SLC39A11: variants seen among roughly 807,000 people sequenced by gnomAD.
The protein encoded by SLC39A11 is solute carrier family 39 member 11.
A neutral mutation model predicts 36.1 loss-of-function variants in SLC39A11; 33 were observed. The observed-to-expected ratio is 0.91, with a 90% CI of 0.69 to 1.22. The LOEUF is 1.22. Ranked by LOEUF, SLC39A11 falls within the 50% of genes most tolerant of loss-of-function variation. The pLI, the probability that SLC39A11 is intolerant of heterozygous loss-of-function variation, is 0.00. For missense variants in SLC39A11, 432 were observed against 430.3 expected (o/e 1.00, Z -0.03); for synonymous variants, 166 against 170.3 (o/e 0.97, Z 0.20).
intron 6 of SLC39A11, among the ~76,000 whole-genome samples, chr17:72,807,078 A>G (rs180925666): frequency 6.4e-4 from 98 of 152,136 alleles, no homozygotes; most frequent in African/African-American, 2.2e-3. Context: ...TATTCTAGCT[A>G]TCTTGTTTTT....
chr17:72,900,126 G>A lies in SLC39A11; in HGVS notation c.430+47626C>T, dbSNP rs1419744126. Reference sequence around the variant, plus strand: ...AAGAAAGAAAAAGAAAGAAAGAAAAGAAAGAAAGAAAGAAAAAGAAAGAAA... The same window carrying A: ...AAGAAAGAAAAAGAAAGAAAGAAAAAAAAGAAAGAAAGAAAAAGAAAGAAA... On this transcript the variant is annotated intron_variant, in intron 5 of 9. Coordinates refer to ENST00000255559, the MANE Select transcript of SLC39A11 (RefSeq NM_139177.4). 3.7e-3 allele frequency among the ~76,000 whole-genome samples: 302 copies of A among 81,692 alleles called. 48 individuals are homozygous for A. The highest frequency in any genetic ancestry group is 0.024 in the African/African-American group (284 of 11,936). 53.6% of individuals were successfully genotyped at this position (81,692 alleles called of 152,430 possible).
chr17:72,971,629 G>A (rs1016592593), intron 4 of SLC39A11, among the ~76,000 whole-genome samples: 6 of 152,198 alleles, frequency 3.9e-5, no homozygotes, highest in East Asian at 3.9e-4. Context: ...GAGCACCAAC[G>A]TGAAGGCGGG....
At chr17:72,753,716 C>A (rs1363336785) in intron 6 of SLC39A11, among the ~76,000 whole-genome samples, 1 of 151,636 alleles carries the variant, frequency 6.6e-6, no homozygotes, top group Non-Finnish European at 1.5e-5. Context: ...TTGACATTGA[C>A]GATAGTTGGA....
chr17:72,820,372 A>T (rs1322891664), intron 6 of SLC39A11, among the ~76,000 whole-genome samples: 1 of 151,206 alleles, frequency 6.6e-6, no homozygotes, highest in Non-Finnish European at 1.5e-5. Context: ...AGCTGTCTTA[A>T]GCAAAGTGAA....
At chr17:72,994,607 T>C (rs539082336) in intron 4 of SLC39A11, among the ~76,000 whole-genome samples, 3 of 152,284 alleles carry the variant, frequency 2.0e-5, no homozygotes, top group South Asian at 2.1e-4. Context: ...TATTTCATAA[T>C]AAAGTGAAAA....
intron 7 of SLC39A11, among the ~76,000 whole-genome samples, chr17:72,695,285 G>A (rs990654346): frequency 1.3e-5 from 2 of 152,160 alleles, no homozygotes; most frequent in African/African-American, 4.8e-5. Context: ...CCTGGCTTGA[G>A]TTTTTCTTCC....
chr17:72,840,642 C>T (rs867531425), intron 6 of SLC39A11, among the ~76,000 whole-genome samples: 4 of 152,138 alleles, frequency 2.6e-5, no homozygotes, highest in African/African-American at 9.7e-5. Flanking sequence ...GCCTGTAATC[C>T]CAGCTACTCA....
chr17:72,653,302 T>C (rs1598226386), intron 7 of SLC39A11, among the ~76,000 whole-genome samples: 1 of 150,446 alleles, frequency 6.6e-6, no homozygotes, highest in East Asian at 2.0e-4. Context: ...AGAGACAGGG[T>C]TTCAGAATAT....
intron 7 of SLC39A11, among the ~76,000 whole-genome samples, chr17:72,692,014 ATT>A (rs112360074): frequency 6.9e-6 from 1 of 144,642 alleles, no homozygotes; most frequent in Non-Finnish European, 1.5e-5. Context: ...AAAGTAGTGG[ATT>A]TTTTTTTTTT....
intron 4 of SLC39A11, among the ~76,000 whole-genome samples, chr17:72,966,122 G>A (rs949417268): frequency 6.6e-5 from 10 of 152,204 alleles, no homozygotes; most frequent in East Asian, 3.8e-4. Context: ...TGAGGGCAAC[G>A]CAGCCACTGA....
intron 3 of SLC39A11, among the ~76,000 whole-genome samples, chr17:73,074,799 T>C (rs1002838035): frequency 1.1e-4 from 16 of 152,186 alleles, no homozygotes; most frequent in African/African-American, 3.6e-4. Flanking sequence ...TAAAATCATG[T>C]CTTTCATAAG....
chr17:73,029,117 C>CA lies in SLC39A11; in HGVS notation c.306+2438dup, dbSNP rs1468281231. Among the ~76,000 whole-genome samples, 23 of 39,498 alleles carry CA rather than the reference C, an allele frequency of 5.8e-4. 1 individual carries two copies. Among genetic ancestry groups the CA allele is most frequent in the South Asian group, 1.4e-3 (1 of 712 alleles). 25.9% of individuals were successfully genotyped at this position (39,498 alleles called of 152,430 possible). Reference sequence around the variant, plus strand: ...TGGGTGACAGAGTGAGACGCCGTCACACACACACAAAAAAAAATTACTGCT... The same window carrying CA: ...TGGGTGACAGAGTGAGACGCCGTCACAACACACACAAAAAAAAATTACTGCT... On this transcript the variant is annotated intron_variant, in intron 4 of 9. Coordinates refer to ENST00000255559, the MANE Select transcript of SLC39A11 (RefSeq NM_139177.4).
Position 72,695,184 on chromosome 17 carries a change from G to A in SLC39A11, c.671+41466C>T, listed in dbSNP as rs146093505. ...TCCCAGAGGCCTCTGTCCCTCCCTT[G>A]ATTGGGTCTCTGCCTCAGTGTCTCC... On this transcript the variant is annotated intron_variant, in intron 7 of 9. Coordinates refer to ENST00000255559, the MANE Select transcript of SLC39A11 (RefSeq NM_139177.4). Among the ~76,000 whole-genome samples the A allele has an allele frequency of 4.6e-3, 707 of 152,312 alleles. 1 individual carries two copies. The highest frequency in any genetic ancestry group is 7.2e-3 in the Non-Finnish European group (491 of 68,032).
chr17:72,965,771 A>G (rs934386787), intron 4 of SLC39A11, among the ~76,000 whole-genome samples: 1 of 152,254 alleles, frequency 6.6e-6, no homozygotes, highest in Non-Finnish European at 1.5e-5. Flanking sequence ...AAAATCATGC[A>G]GGGAGATACA....
At chr17:73,004,219 G>GAAAGAAAGAAAGA (rs371881794) in intron 4 of SLC39A11, among the ~76,000 whole-genome samples, 20 of 79,276 alleles carry the variant, frequency 2.5e-4, no homozygotes, top group African/African-American at 1.5e-3. Flanking sequence ...AAGAAAGAAA[G>GAAAGAAAGAAAGA]AAAGAAAGAA....
At chr17:72,944,970 G>C (rs773642214) in intron 5 of SLC39A11, among the ~76,000 whole-genome samples, 1 of 152,102 alleles carries the variant, frequency 6.6e-6, no homozygotes, top group Non-Finnish European at 1.5e-5. Flanking sequence ...TAGACCATAA[G>C]GGATTTGAAG....
At chr17:73,014,665 A>G (rs1461407877) in intron 4 of SLC39A11, among the ~76,000 whole-genome samples, 1 of 152,194 alleles carries the variant, frequency 6.6e-6, no homozygotes, top group Admixed American at 6.5e-5. Context: ...ACAAAAAACC[A>G]TGCGGATGGG....
At chr17:72,921,170 A>G (rs2083647967) in intron 5 of SLC39A11, among the ~76,000 whole-genome samples, 2 of 152,212 alleles carry the variant, frequency 1.3e-5, no homozygotes. Flanking sequence ...AAGTAAGAAC[A>G]CAAGCCCAGC....
intron 3 of SLC39A11, among the ~76,000 whole-genome samples, chr17:73,042,113 G>A (rs1010661277): frequency 3.9e-5 from 6 of 152,304 alleles, no homozygotes; most frequent in East Asian, 3.9e-4. Flanking sequence ...CAATAGAAAT[G>A]AATTTGTGAA....
Sources: allele counts gnomAD v4.1 joint callset (sites outside exome capture counted in the v4.1 genomes callset), GRCh38; gene constraint gnomAD v4.1.1; transcripts MANE v1.5; gene names NCBI Gene and HGNC (gene_info 2026-07-23, HGNC 2026-07-21).